Variants in CASQ2 observed in about 807,000 individuals in gnomAD.
CASQ2 encodes the protein calsequestrin-2.
Under a neutral mutation model 46.5 loss-of-function variants are expected in CASQ2, and 49 were observed. The observed-to-expected ratio is 1.05, with a 90% CI of 0.84 to 1.34. The LOEUF is 1.34. Ranked by LOEUF, CASQ2 falls within the 40% of genes most tolerant of loss-of-function variation. The pLI is 0.00. For missense variants in CASQ2, 486 were observed against 481.3 expected (o/e 1.01, Z -0.09); for synonymous variants, 174 against 168.5 (o/e 1.03, Z -0.25).
intron 1 of CASQ2, among the ~76,000 whole-genome samples, chr1:115,760,041 ATTGTG>A (rs1648885651): frequency 1.3e-5 from 2 of 152,120 alleles, no homozygotes; most frequent in South Asian, 4.1e-4. Context: ...TTAGTCACTG[ATTGTG>A]TGAGTGATGG....
chr1:115,743,197 GTTTATTTATTTA>G (rs61424506), intron 2 of CASQ2, among the ~76,000 whole-genome samples: 2,572 of 36,418 alleles, frequency 0.071, 89 homozygotes, highest in African/African-American at 0.092. Flanking sequence ...CTTTATTTTT[GTTTATTTATTTA>G]TTTATTTATT....
intron 4 of CASQ2, among the ~76,000 whole-genome samples, chr1:115,737,318 G>A (rs1482455221): frequency 6.6e-6 from 1 of 152,196 alleles, no homozygotes; most frequent in African/African-American, 2.4e-5. Flanking sequence ...GGTTGTTGAT[G>A]AGGTGACTAA....
At chr1:115,739,698 A>G (rs1648115739) in intron 3 of CASQ2, among the ~76,000 whole-genome samples, 1 of 152,242 alleles carries the variant, frequency 6.6e-6, no homozygotes, top group African/African-American at 2.4e-5. Context: ...CACAAGCAAC[A>G]TACTGAAAAC....
At chr1:115,753,591 G>A (rs942336475) in intron 1 of CASQ2, among the ~76,000 whole-genome samples, 3 of 152,150 alleles carry the variant, frequency 2.0e-5, no homozygotes, top group Admixed American at 6.5e-5. Flanking sequence ...ACACAGAGGC[G>A]AGAGGGGCGC....
At chr1:115,717,753 T>C in intron 8 of CASQ2, 87 bp downstream of exon 8, 1 of 988,152 alleles carries the variant, frequency 1.0e-6, no homozygotes, top group South Asian at 1.3e-5. Context: ...GTGGATGGGA[T>C]GTGAGAGAAG....
At chr1:115,703,913 A>G (rs1337662536) in intron 9 of CASQ2, among the ~76,000 whole-genome samples, 1 of 50,486 alleles carries the variant, frequency 2.0e-5, no homozygotes, top group Non-Finnish European at 3.6e-5. Context: ...CCCTGTCTCA[A>G]AAAAAAAAAA....
chr1:115,723,846 C>G (rs1368896313), intron 7 of CASQ2, among the ~76,000 whole-genome samples: 1 of 152,098 alleles, frequency 6.6e-6, no homozygotes, highest in East Asian at 1.9e-4. Context: ...GCGATAAGAC[C>G]CTTTTAATAT....
chr1:115,736,448 C>T (rs979777588), intron 4 of CASQ2, among the ~76,000 whole-genome samples: 2 of 151,890 alleles, frequency 1.3e-5, no homozygotes, highest in Non-Finnish European at 2.9e-5. Flanking sequence ...ACCAGCCTGA[C>T]CAACATGGTG....
At chr1:115,737,595 C>T (rs1000386818) in intron 4 of CASQ2, among the ~76,000 whole-genome samples, 19 of 152,204 alleles carry the variant, frequency 1.2e-4, no homozygotes, top group African/African-American at 2.9e-4. Context: ...TCCCTTCTGC[C>T]TGCTCTTCCT....
intron 6 of CASQ2, 30 bp downstream of exon 6, chr1:115,726,959 AGGC>A: frequency 3.0e-6 from 2 of 674,348 alleles, no homozygotes; most frequent in Non-Finnish European, 5.2e-6. Flanking sequence ...CCCAGACCCC[AGGC>A]CCCCAGCCCC....
rs560659166 is a variant in CASQ2, at chr1:115,728,651, C to T, written c.607-1529G>A. Among the ~76,000 whole-genome samples, 6 of 152,308 alleles carry T rather than the reference C, an allele frequency of 3.9e-5. No individual in the cohort carries two copies. The South Asian group carries it at 1.0e-3, about 26-fold the overall frequency. ...TAACAAACATATGGAGTGCTTATCACGTGCCAGGCACTGCTGCCAGGTGTT... is the reference window on the plus strand; with the variant it reads ...TAACAAACATATGGAGTGCTTATCATGTGCCAGGCACTGCTGCCAGGTGTT... On this transcript the variant is annotated intron_variant, in intron 5 of 10. Transcript: ENST00000261448.
At chr1:115,748,441 C>A (rs1176279523) in intron 1 of CASQ2, among the ~76,000 whole-genome samples, 2 of 152,200 alleles carry the variant, frequency 1.3e-5, no homozygotes, top group South Asian at 4.1e-4. Context: ...CCAAGAGCAG[C>A]TCCGAGGAAT....
rs188331101 is a variant in CASQ2, at chr1:115,742,191, A to G, written c.320-1363T>C. ...GATGCTGGCTAATTTTTCATATATA[A>G]GTATATATGAAAAATTATATATTTT... is the stretch of plus-strand genomic sequence containing the variant. On this transcript the variant is annotated intron_variant, in intron 2 of 10. Transcript: ENST00000261448. 3.4e-4 allele frequency among the ~76,000 whole-genome samples: 52 copies of G among 151,728 alleles called. 1 individual carries two copies. Among genetic ancestry groups the G allele is most frequent in the African/African-American group, 1.3e-3 (52 of 41,470 alleles).
In CASQ2 at chr1:115,700,266, A is replaced by G. The variant is rs950164742; in HGVS notation, c.*975T>C. On this transcript the variant is annotated 3_prime_UTR_variant, in exon 11 of 11. Coordinates refer to ENST00000261448, the MANE Select transcript of CASQ2 (RefSeq NM_001232.4). Reference sequence around the variant, plus strand: ...GCCTCAGGGCATCAGTATGAACTCCAATTATTGTTGCCCTGGCCAATTGTG... The same window carrying G: ...GCCTCAGGGCATCAGTATGAACTCCGATTATTGTTGCCCTGGCCAATTGTG... 1 of 152,314 alleles carries G rather than the reference A, an allele frequency of 6.6e-6. No homozygotes were observed. Among genetic ancestry groups the G allele is most frequent in the Non-Finnish European group, 1.5e-5 (1 of 67,964 alleles). 9.4% of individuals were successfully genotyped at this position (152,314 alleles called of 1,614,324 possible).
At chr1:115,711,227 G>C (rs1654534421) in intron 8 of CASQ2, among the ~76,000 whole-genome samples, 1 of 152,226 alleles carries the variant, frequency 6.6e-6, no homozygotes, top group African/African-American at 2.4e-5. Context: ...CCTGTGAGGA[G>C]AGGCCTGAGC....
chr1:115,702,942 A>G lies in CASQ2; in HGVS notation c.993T>C (p.Ile331=), dbSNP rs751268234. ...TFKIDLFRPQ[I]GVVNVTDADS... ...TCACATCTGTGACATTCACCACCCC[A>G]ATCTGTGGCCTGAATAGGTCAATCT... Residue 331 remains isoleucine (I), a synonymous_variant, in exon 10 of 11, where the codon ATT becomes ATC. Coordinates refer to ENST00000261448, the MANE Select transcript of CASQ2 (RefSeq NM_001232.4). The G allele has an allele frequency of 6.2e-7, 1 of 1,613,646 alleles. No individual in the cohort carries two copies. The highest frequency in any genetic ancestry group is 8.5e-7 in the Non-Finnish European group (1 of 1,179,822).
At chr1:115,702,877 G>A (rs777414721) in intron 10 of CASQ2, 44 bp downstream of exon 10, 2 of 1,415,616 alleles carry the variant, frequency 1.4e-6, no homozygotes, top group African/African-American at 1.4e-5. Context: ...AGAAGACAGG[G>A]CAGGCCAAGG....
At chr1:115,748,472 G>T (rs1433155415) in intron 1 of CASQ2, among the ~76,000 whole-genome samples, 3 of 152,116 alleles carry the variant, frequency 2.0e-5, no homozygotes, top group African/African-American at 7.2e-5. Flanking sequence ...GTTGGGGACT[G>T]AGGGGTGGGA....
At chr1:115,705,794 A>C (rs1177226056) in intron 8 of CASQ2, among the ~76,000 whole-genome samples, 1 of 152,162 alleles carries the variant, frequency 6.6e-6, no homozygotes, top group Non-Finnish European at 1.5e-5. Context: ...CACAGCTCTG[A>C]GATAGTAAAT....
Sources: allele counts gnomAD v4.1 joint callset (sites outside exome capture counted in the v4.1 genomes callset), GRCh38; gene constraint gnomAD v4.1.1; transcripts MANE v1.5; gene names NCBI Gene and HGNC (gene_info 2026-07-23, HGNC 2026-07-21).